Variants in ATP9B observed in about 807,000 individuals in gnomAD.
ATP9B encodes ATPase phospholipid transporting 9B, also known as probable phospholipid-transporting ATPase IIB.
Under a neutral mutation model 146.1 loss-of-function variants are expected in ATP9B, and 110 were observed. The observed-to-expected ratio is 0.75, with a 90% CI of 0.65 to 0.88. The LOEUF is 0.88. Ranked by LOEUF, ATP9B falls within the 40% of genes least tolerant of loss-of-function variation. The pLI is 0.00. For missense variants in ATP9B, 1,499 were observed against 1,496.4 expected (o/e 1.00, Z -0.03); for synonymous variants, 604 against 569.7 (o/e 1.06, Z -0.86).
chr18:79,239,978 G>A lies in ATP9B; in HGVS notation c.1108-13403G>A, dbSNP rs561952789. ...ACCACGCCTCAGGGGCCCCACACCC[G>A]CGGTCTCTTCCTAGAGCTGCAGTCC... On this transcript the variant is annotated intron_variant, in intron 11 of 29. Transcript: ENST00000426216. The surrounding 1 kb of genome is among the most constrained non-coding windows in gnomAD (Gnocchi z 5.1). Among the ~76,000 whole-genome samples, 32 of 152,256 alleles carry A rather than the reference G, an allele frequency of 2.1e-4. No individual in the cohort carries two copies. In the East Asian group the frequency reaches 2.1e-3, roughly 10 times the overall value.
chr18:79,219,592 T>G (rs1212214983), intron 11 of ATP9B, among the ~76,000 whole-genome samples: 1 of 152,178 alleles, frequency 6.6e-6, no homozygotes, highest in African/African-American at 2.4e-5. Flanking sequence ...AACTATGGCA[T>G]TACTTCTTTC....
At chr18:79,202,595 A>C (rs760912199) in intron 9 of ATP9B, among the ~76,000 whole-genome samples, 1 of 152,238 alleles carries the variant, frequency 6.6e-6, no homozygotes, top group Non-Finnish European at 1.5e-5. Context: ...ATAGACCATT[A>C]AAGAGAAGGA....
chr18:79,116,829 A>G (rs1280387909), intron 4 of ATP9B, among the ~76,000 whole-genome samples: 3 of 100,992 alleles, frequency 3.0e-5, no homozygotes, highest in Admixed American at 1.1e-4. Context: ...GCTAGATGAC[A>G]CGTTAGTGGG....
intron 8 of ATP9B, among the ~76,000 whole-genome samples, chr18:79,188,393 G>A (rs530749065): frequency 2.6e-5 from 4 of 152,242 alleles, no homozygotes; most frequent in South Asian, 2.1e-4. Context: ...GTTTTAGCTC[G>A]GCCCTCGGTG....
intron 9 of ATP9B, among the ~76,000 whole-genome samples, chr18:79,198,256 A>G (rs972835723): frequency 6.6e-6 from 1 of 152,220 alleles, no homozygotes; most frequent in African/African-American, 2.4e-5. Flanking sequence ...TGTATAAAAA[A>G]GCAAGATTCA....
chr18:79,107,676 C>T (rs573641927), intron 2 of ATP9B, among the ~76,000 whole-genome samples: 2 of 152,276 alleles, frequency 1.3e-5, no homozygotes, highest in South Asian at 2.1e-4. Flanking sequence ...CATGTTTTTC[C>T]ATTGTGTTTT....
At chr18:79,124,723 G>A (rs1203024621) in intron 4 of ATP9B, among the ~76,000 whole-genome samples, 1 of 152,210 alleles carries the variant, frequency 6.6e-6, no homozygotes, top group Non-Finnish European at 1.5e-5. Flanking sequence ...TAGGGGTTTG[G>A]GGAGAGCACT....
rs748739665 is a variant in ATP9B, at chr18:79,336,655, C to T, written c.2056C>T (p.Arg686Trp). The T allele has an allele frequency of 6.2e-6, 10 of 1,611,294 alleles. No individual in the cohort carries two copies. Among genetic ancestry groups the T allele is most frequent in the South Asian group, 3.3e-5 (3 of 90,518 alleles). ...CGGAAACATGGCTCGCGAAGGACTG[C>T]GGACCCTCGTGGTTGCAAAGAAGGC... ...ECGNMAREGLRTLVVAKKALT... is the reference protein window; with the variant it reads ...ECGNMAREGLWTLVVAKKALT... The change falls in exon 18 of 30, where the codon CGG becomes TGG. Residue 686 changes from arginine to tryptophan, a missense_variant. Coordinates refer to ENST00000426216, the MANE Select transcript of ATP9B (RefSeq NM_198531.5).
chr18:79,162,153 T>A (rs896193055), intron 7 of ATP9B, among the ~76,000 whole-genome samples: 7 of 152,248 alleles, frequency 4.6e-5, no homozygotes, highest in African/African-American at 1.7e-4. Flanking sequence ...ATATTTTAAA[T>A]CTTAGGTATG....
chr18:79,294,865 G>A (rs1373065754), intron 13 of ATP9B, among the ~76,000 whole-genome samples: 1 of 152,194 alleles, frequency 6.6e-6, no homozygotes, highest in Non-Finnish European at 1.5e-5. Context: ...GGTCCATGTT[G>A]CCAAAAAGGA....
At chr18:79,252,115 T>G (rs966850554) in intron 11 of ATP9B, among the ~76,000 whole-genome samples, 1 of 152,206 alleles carries the variant, frequency 6.6e-6, no homozygotes, top group African/African-American at 2.4e-5. Flanking sequence ...AGTCACACAT[T>G]TAGTAAACAG....
intron 9 of ATP9B, among the ~76,000 whole-genome samples, chr18:79,201,160 C>T (rs1327246863): frequency 6.6e-6 from 1 of 152,156 alleles, no homozygotes; most frequent in Non-Finnish European, 1.5e-5. Flanking sequence ...ACACAGATAG[C>T]CTTTCATTGC....
chr18:79,087,226 A>T (rs2073921782), intron 1 of ATP9B: 1 of 152,262 alleles, frequency 6.6e-6, no homozygotes, highest in Non-Finnish European at 1.5e-5. Flanking sequence ...TTAATGCATC[A>T]TGAGGGCGGA....
At chr18:79,109,381 A>G (rs985687974) in intron 2 of ATP9B, among the ~76,000 whole-genome samples, 6 of 152,170 alleles carry the variant, frequency 3.9e-5, no homozygotes, top group African/African-American at 1.4e-4. Context: ...AATGGTTTGG[A>G]TGACCAAGAA....
At position 79,297,944 on chromosome 18, in the gene ATP9B, G is replaced by A. The variant is rs143120986; in HGVS notation, c.1412-5660G>A. Reference sequence around the variant, plus strand: ...CATTCATGCTTTAAGAAGAAAACTCGGAAAACAAGGATTAGAGGGGAACAT... The same window carrying A: ...CATTCATGCTTTAAGAAGAAAACTCAGAAAACAAGGATTAGAGGGGAACAT... On this transcript the variant is annotated intron_variant, in intron 13 of 29. Transcript: ENST00000426216. Among the ~76,000 whole-genome samples, 52 of 146,774 alleles carry A rather than the reference G, an allele frequency of 3.5e-4. 5 individuals are homozygous for A. The East Asian group carries it at 5.7e-3, about 16-fold the overall frequency.
At chr18:79,376,892 T>G (rs1490016052) in intron 29 of ATP9B, among the ~76,000 whole-genome samples, 1 of 151,762 alleles carries the variant, frequency 6.6e-6, no homozygotes, top group Non-Finnish European at 1.5e-5. Flanking sequence ...AGAGATGAGG[T>G]TTTCCTATGT....
chr18:79,330,251 G>T, intron 17 of ATP9B, 147 bp downstream of exon 17: 4 of 716,928 alleles, frequency 5.6e-6, no homozygotes, highest in Non-Finnish European at 9.5e-6. Flanking sequence ...GCAGACACTG[G>T]TATCATTGGA....
chr18:79,271,386 CAG>C (rs2096252758), intron 12 of ATP9B, among the ~76,000 whole-genome samples: 1 of 5,710 alleles, frequency 1.8e-4, no homozygotes, highest in African/African-American at 6.7e-4. Flanking sequence ...ATCCCTCCCC[CAG>C]GCCCCCCACC....
intron 2 of ATP9B, among the ~76,000 whole-genome samples, chr18:79,100,130 A>T (rs148188469): frequency 2.2e-4 from 34 of 152,346 alleles, no homozygotes; most frequent in African/African-American, 8.2e-4. Context: ...TGTCTCAAAA[A>T]ATAAAATAAA....
Sources: gnomAD v4.1 joint callset for allele counts (sites outside exome capture counted in the v4.1 genomes callset) on GRCh38, gnomAD v4.1.1 for gene constraint, Gnocchi (gnomAD v3.1) non-coding constraint, MANE v1.5 for transcripts, NCBI Gene and HGNC (gene_info 2026-07-23, HGNC 2026-07-21) for gene names.